TRA2A: variants seen among roughly 807,000 people sequenced by gnomAD.
TRA2A encodes the protein transformer-2 protein homolog alpha.
Under a neutral mutation model 45.7 loss-of-function variants are expected in TRA2A, and 31 were observed. The observed-to-expected ratio is 0.68, with a 90% CI of 0.51 to 0.92. The LOEUF (loss-of-function observed/expected upper bound fraction) is 0.92. Among genes scored for constraint, TRA2A ranks in the 40% least tolerant of loss-of-function variants. The pLI is 0.00. For missense variants in TRA2A, 304 were observed against 367.5 expected (o/e 0.83, Z 1.41); for synonymous variants, 132 against 126.2 (o/e 1.05, Z -0.31).
chr7:23,522,571 A>C (rs1028518786), intron 1 of TRA2A: 8 of 184,278 alleles, frequency 4.3e-5, no homozygotes, highest in East Asian at 1.8e-4. Flanking sequence ...AAAAAAAAAA[A>C]AAACAATTTT....
At chr7:23,510,472 A>G (rs1407463197) in intron 4 of TRA2A, among the ~76,000 whole-genome samples, 1 of 151,690 alleles carries the variant, frequency 6.6e-6, no homozygotes, top group Non-Finnish European at 1.5e-5. Context: ...TTGGGGTTAC[A>G]GGCGCTTGCC....
intron 1 of TRA2A, among the ~76,000 whole-genome samples, chr7:23,528,756 CT>C (rs1322428125): frequency 6.6e-6 from 1 of 151,732 alleles, no homozygotes; most frequent in Non-Finnish European, 1.5e-5. Context: ...CAACCTCTGC[CT>C]CCCGGGTTTA....
At chr7:23,529,853 CTTTT>C (rs11415684) in intron 1 of TRA2A, among the ~76,000 whole-genome samples, 1 of 141,008 alleles carries the variant, frequency 7.1e-6, no homozygotes. Flanking sequence ...GGGTGGGAAT[CTTTT>C]TTTTTTTTTT....
intron 4 of TRA2A, among the ~76,000 whole-genome samples, chr7:23,509,117 A>C (rs1789477052): frequency 6.6e-6 from 1 of 152,204 alleles, no homozygotes; most frequent in South Asian, 2.1e-4. Context: ...GATTAGAGGC[A>C]TGAGCCACCA....
At chr7:23,525,692 T>C (rs1399492765) in intron 1 of TRA2A, among the ~76,000 whole-genome samples, 3 of 152,160 alleles carry the variant, frequency 2.0e-5, no homozygotes, top group African/African-American at 7.2e-5. Context: ...ACTCCTGGGT[T>C]CAAGCAATTC....
At chr7:23,528,488 G>C (rs1361215563) in intron 1 of TRA2A, among the ~76,000 whole-genome samples, 1 of 152,098 alleles carries the variant, frequency 6.6e-6, no homozygotes, top group Non-Finnish European at 1.5e-5. Flanking sequence ...TTACAGGCGT[G>C]AGCCACCGGG....
chr7:23,520,696 T>A (rs1218993592), intron 2 of TRA2A, among the ~76,000 whole-genome samples: 22 of 151,292 alleles, frequency 1.5e-4, no homozygotes, highest in Non-Finnish European at 2.5e-4. Flanking sequence ...TTTTTTTTTT[T>A]TTTTTTTTTT....
At chr7:23,531,571 T>A (rs1029478050) in intron 1 of TRA2A, 1 of 599,376 alleles carries the variant, frequency 1.7e-6, no homozygotes, top group African/African-American at 1.9e-5. Context: ...GAAGTCCAGG[T>A]ATCAGTCAGC....
chr7:23,519,099 G>A (rs1027981274), intron 2 of TRA2A, among the ~76,000 whole-genome samples: 2 of 152,118 alleles, frequency 1.3e-5, no homozygotes, highest in African/African-American at 2.4e-5. Flanking sequence ...TTGCCTGTAA[G>A]ACTAATCCGA....
intron 1 of TRA2A, among the ~76,000 whole-genome samples, chr7:23,522,830 G>T (rs994925849): frequency 2.6e-5 from 4 of 151,970 alleles, no homozygotes; most frequent in Non-Finnish European, 5.9e-5. Flanking sequence ...GTCATGCTAA[G>T]AAATCAAGAT....
intron 1 of TRA2A, among the ~76,000 whole-genome samples, chr7:23,522,652 T>C (rs1333697855): frequency 6.6e-6 from 1 of 152,086 alleles, no homozygotes; most frequent in Non-Finnish European, 1.5e-5. Context: ...TAAATGCTTT[T>C]TAAACCATAC....
At chr7:23,516,658 T>TTC in intron 2 of TRA2A, 130 bp from the exon 3 acceptor site, 1 of 758,730 alleles carries the variant, frequency 1.3e-6, no homozygotes, top group Non-Finnish European at 2.1e-6. Context: ...GGAAAGGGTA[T>TTC]TCTTCCTTTG....
intron 4 of TRA2A, among the ~76,000 whole-genome samples, chr7:23,508,039 T>C (rs564883457): frequency 1.3e-5 from 2 of 152,276 alleles, no homozygotes; most frequent in South Asian, 2.1e-4. Context: ...ATACATGTTC[T>C]TTTTATAACC....
At chr7:23,517,039 CAG>C (rs1264897974) in intron 2 of TRA2A, among the ~76,000 whole-genome samples, 1 of 151,646 alleles carries the variant, frequency 6.6e-6, no homozygotes, top group African/African-American at 2.4e-5. Context: ...ACCCAGGAGG[CAG>C]AGGTTGCAAG....
chr7:23,508,581 G>A (rs1346010993), intron 4 of TRA2A, among the ~76,000 whole-genome samples: 2 of 152,172 alleles, frequency 1.3e-5, no homozygotes, highest in African/African-American at 4.8e-5. Context: ...TGCAGCCTCT[G>A]CCTCCCAGGT....
At chr7:23,530,526 C>G (rs1414175282) in intron 1 of TRA2A, among the ~76,000 whole-genome samples, 1 of 152,182 alleles carries the variant, frequency 6.6e-6, no homozygotes, top group African/African-American at 2.4e-5. Flanking sequence ...GAATAAACAT[C>G]TACACAACAG....
intron 5 of TRA2A, chr7:23,507,107 A>G (rs1399908270): frequency 3.6e-6 from 1 of 275,152 alleles, no homozygotes; most frequent in Non-Finnish European, 6.8e-6. Flanking sequence ...ATTTAAAAAC[A>G]TTATCAAAAC....
chr7:23,523,260 C>T (rs959617667), intron 1 of TRA2A, among the ~76,000 whole-genome samples: 15 of 152,112 alleles, frequency 9.9e-5, no homozygotes, highest in African/African-American at 3.1e-4. Flanking sequence ...CCTTCAGTGA[C>T]TATATTCTAT....
rs764849438 is a variant in TRA2A, at chr7:23,517,503, A to AAAAAAAAAAAGAG, written c.171-976_171-975insCTCTTTTTTTTTT. On this transcript the variant is annotated intron_variant, in intron 2 of 7. Transcript: ENST00000297071. ...AAAAAAAAAAAAAAAAAAAAAAAAAAAGAGAGAAAGAAAGAAAAATCACTT... is the reference window on the plus strand; with the variant it reads ...AAAAAAAAAAAAAAAAAAAAAAAAAAAAAAAAAAAAGAGAGAGAGAAAGAAAGAAAAATCACTT... Among the ~76,000 whole-genome samples the AAAAAAAAAAAGAG allele has an allele frequency of 5.9e-4, 69 of 116,244 alleles. 3 individuals are homozygous for AAAAAAAAAAAGAG. Among genetic ancestry groups the AAAAAAAAAAAGAG allele is most frequent in the East Asian group, 5.0e-3 (15 of 2,990 alleles). 76.3% of individuals were successfully genotyped at this position (116,244 alleles called of 152,430 possible). A position where few individuals can be genotyped will look rare whatever the true frequency, so the allele number is the denominator to read the frequency against.
Sources: gnomAD v4.1 joint callset for allele counts (sites outside exome capture counted in the v4.1 genomes callset) on GRCh38, gnomAD v4.1.1 for gene constraint, MANE v1.5 for transcripts, NCBI Gene and HGNC (gene_info 2026-07-23, HGNC 2026-07-21) for gene names.